Variants in EXOC3L2 observed in about 807,000 individuals in gnomAD.
The protein encoded by EXOC3L2 is exocyst complex component 3-like protein 2.
A neutral mutation model predicts 44.4 loss-of-function variants in EXOC3L2; 17 were observed. That is an observed-to-expected ratio of 0.38 (90% confidence interval 0.26 to 0.57). The LOEUF is 0.57. EXOC3L2 is among the 20% of genes least tolerant of loss of function. The pLI is 0.65. For synonymous variants in EXOC3L2, 256 were observed against 253.7 expected (o/e 1.01, Z -0.09); for missense variants, 541 against 588.4 (o/e 0.92, Z 0.83).
chr19:45,244,744 G>T (rs533681676), intron 1 of EXOC3L2, among the ~76,000 whole-genome samples: 1 of 152,002 alleles, frequency 6.6e-6, no homozygotes, highest in Non-Finnish European at 1.5e-5. Flanking sequence ...CACCTCCAAC[G>T]CTCAGCATCT....
chr19:45,244,684 G>A (rs1254015827), intron 1 of EXOC3L2, among the ~76,000 whole-genome samples: 12 of 151,994 alleles, frequency 7.9e-5, no homozygotes, highest in Admixed American at 5.9e-4. Context: ...CCTTTTCCCC[G>A]GAGTCCCTAA....
intron 7 of EXOC3L2, among the ~76,000 whole-genome samples, chr19:45,226,752 T>C (rs1471111639): frequency 7.7e-6 from 1 of 129,752 alleles, no homozygotes; most frequent in Non-Finnish European, 1.6e-5. Context: ...CATCTCTTTT[T>C]TTTTTTTTTT....
intron 11 of EXOC3L2, 96 bp downstream of exon 11, chr19:45,215,977 C>T: frequency 6.5e-7 from 1 of 1,535,620 alleles, no homozygotes; most frequent in Non-Finnish European, 8.8e-7. Context: ...CACCGGCTCC[C>T]TCCCTCAGGA....
At position 45,234,650 on chromosome 19, in the gene EXOC3L2, G is replaced by T; in HGVS notation, c.700C>A (p.Leu234Met). 1 of 364,980 alleles carries T rather than the reference G, an allele frequency of 2.7e-6. No individual in the cohort carries two copies. The highest frequency in any genetic ancestry group is 4.9e-6 in the Non-Finnish European group (1 of 204,464). The allele number at this position is 364,980 out of a possible 1,614,324, so 22.6% of individuals were successfully genotyped here. Residue 234 changes from leucine (L) to methionine (M), a missense_variant, in exon 3 of 12, where the codon CTG becomes ATG. Coordinates refer to ENST00000413988, the MANE Select transcript of EXOC3L2 (RefSeq NM_001382422.1). This position sits in a 1 kb window ranked among gnomAD's most constrained non-coding sequence, Gnocchi z 5.0. ...ACCAGCGCCCACAGCTCGCGCTGCA[G>T]GGCCTCGTACAGCAGCGCCACGTCC... ...ARDVALLYEA[L>M]QRELWALVRE...
At chr19:45,237,758 C>T (rs1185998038) in intron 2 of EXOC3L2, among the ~76,000 whole-genome samples, 1 of 152,056 alleles carries the variant, frequency 6.6e-6, no homozygotes, top group African/African-American at 2.4e-5. Context: ...CAGAATGTCA[C>T]CTGATTTGGA....
chr19:45,215,119 C>T (rs1055788255), intron 11 of EXOC3L2, among the ~76,000 whole-genome samples: 6 of 151,890 alleles, frequency 4.0e-5, no homozygotes, highest in African/African-American at 1.2e-4. Context: ...TCAGCCTGGG[C>T]GACAAAGTGA....
intron 3 of EXOC3L2, among the ~76,000 whole-genome samples, chr19:45,232,393 G>A (rs917472665): frequency 2.6e-5 from 4 of 152,206 alleles, no homozygotes; most frequent in Admixed American, 6.5e-5. Context: ...ACCACTTTAG[G>A]AAGCTTTCCG....
intron 4 of EXOC3L2, among the ~76,000 whole-genome samples, chr19:45,228,643 G>A (rs1216964595): frequency 2.0e-5 from 3 of 152,046 alleles, no homozygotes; most frequent in Admixed American, 6.6e-5. Flanking sequence ...GTGGTGGTGC[G>A]TGTCTGTAAT....
chr19:45,224,712 G>C, intron 8 of EXOC3L2, 66 bp downstream of exon 8: 1 of 1,511,182 alleles, frequency 6.6e-7, no homozygotes, highest in East Asian at 2.5e-5. Context: ...GGAACTGGAG[G>C]ATGGTGGGGG....
chr19:45,227,768 G>A lies in EXOC3L2; in HGVS notation c.1477C>T (p.Gln493Ter), dbSNP rs762682671. 1.2e-6 allele frequency: 2 copies of A among 1,610,054 alleles called. No individual in the cohort carries two copies. The highest frequency in any genetic ancestry group is 1.1e-5 in the South Asian group (1 of 89,846). Residue 493 changes from glutamine to a stop codon, truncating the protein, a stop_gained, in exon 7 of 12, where the codon CAG becomes TAG. Coordinates refer to ENST00000413988, the MANE Select transcript of EXOC3L2 (RefSeq NM_001382422.1). LOFTEE classifies it high-confidence loss of function. ...TCATGGAATCGCTCCACACGCTGCTGGAAGCTGGTGGGAGGAAAGGGGACA... is the reference window on the plus strand; with the variant it reads ...TCATGGAATCGCTCCACACGCTGCTAGAAGCTGGTGGGAGGAAAGGGGACA... ...GGLAEFLQSFQQRVERFHENP... is the reference protein window; with the variant it reads ...GGLAEFLQSF
intron 2 of EXOC3L2, among the ~76,000 whole-genome samples, chr19:45,235,683 C>T (rs1163550120): frequency 6.6e-6 from 1 of 152,188 alleles, no homozygotes; most frequent in African/African-American, 2.4e-5. Context: ...CACTTCCTCC[C>T]TGGCAGAGAA....
intron 4 of EXOC3L2, among the ~76,000 whole-genome samples, chr19:45,229,349 T>C (rs111212171): frequency 1.3e-4 from 19 of 145,984 alleles, no homozygotes; most frequent in African/African-American, 4.5e-4. Context: ...ATTAAATATA[T>C]GTTATATATG....
chr19:45,243,130 T>C (rs1970143740), intron 1 of EXOC3L2, among the ~76,000 whole-genome samples: 2 of 152,242 alleles, frequency 1.3e-5, no homozygotes, highest in South Asian at 2.1e-4. Context: ...TTGCTCACGT[T>C]ATGAACTTGT....
At chr19:45,218,158 T>TACCCCCC in intron 9 of EXOC3L2, 39 bp downstream of exon 9, 21 of 1,034,902 alleles carry the variant, frequency 2.0e-5, no homozygotes, top group African/African-American at 3.3e-5. Context: ...TCCCCTCTTT[T>TACCCCCC]CCCCCACCCC....
chr19:45,224,881 G>A lies in EXOC3L2; in HGVS notation c.1616C>T (p.Pro539Leu). Residue 539 changes from proline to leucine, a missense_variant, in exon 8 of 12, where the codon CCC becomes CTC. Physicochemically the swap from Pro to Leu is moderately conservative, Grantham distance 98 (BLOSUM62 -3). Coordinates refer to ENST00000413988, the MANE Select transcript of EXOC3L2 (RefSeq NM_001382422.1). The part of the protein sequence containing the change: ...ALAERLARVG[P>L]PESEPAREAS... ...TTCCCGGGCCGGCTCGCTTTCTGGG[G>A]GCCCCACCCGGGCCAGGCGCTCGGC... 6.4e-7 allele frequency: 1 copy of A among 1,567,090 alleles called. No homozygotes were observed. The highest frequency in any genetic ancestry group is 8.7e-7 in the Non-Finnish European group (1 of 1,154,526).
intron 8 of EXOC3L2, among the ~76,000 whole-genome samples, chr19:45,221,340 A>G (rs967481357): frequency 1.3e-5 from 2 of 150,972 alleles, no homozygotes; most frequent in Non-Finnish European, 3.0e-5. Flanking sequence ...CACCATGTCT[A>G]ATGTGTTGCT....
Position 45,224,851 on chromosome 19 carries a change from G to A in EXOC3L2, c.1646C>T (p.Ser549Phe). 1 of 1,590,772 alleles carries A rather than the reference G, an allele frequency of 6.3e-7. No homozygotes were observed. Among genetic ancestry groups the A allele is most frequent in the South Asian group, 1.1e-5 (1 of 88,404 alleles). ...PPESEPAREA[S>F]ASALDHVTRL... ...GGTCACATGGTCCAGAGCACTAGCA[G>A]ATGCTTCCCGGGCCGGCTCGCTTTC... is the stretch of plus-strand genomic sequence containing the variant. Residue 549 changes from serine to phenylalanine, a missense_variant, in exon 8 of 12, where the codon TCT becomes TTT. Transcript: ENST00000413988.
intron 8 of EXOC3L2, among the ~76,000 whole-genome samples, chr19:45,221,817 GT>G (rs1040557662): frequency 2.0e-5 from 3 of 151,372 alleles, no homozygotes; most frequent in Admixed American, 6.6e-5. Flanking sequence ...CCAGCTTATT[GT>G]TTTTTATTTT....
intron 10 of EXOC3L2, chr19:45,216,843 A>T (rs1969840527): frequency 6.6e-6 from 1 of 152,190 alleles, no homozygotes; most frequent in Non-Finnish European, 1.5e-5. Flanking sequence ...TTTCCAAAGA[A>T]AACATTCCAA....
Sources: gnomAD v4.1 joint callset for allele counts (sites outside exome capture counted in the v4.1 genomes callset) on GRCh38, gnomAD v4.1.1 for gene constraint, Gnocchi (gnomAD v3.1) non-coding constraint, MANE v1.5 for transcripts, NCBI Gene and HGNC (gene_info 2026-07-23, HGNC 2026-07-21) for gene names.